TEX36: variants seen among roughly 807,000 people sequenced by gnomAD.
TEX36 encodes testis expressed 36.
A neutral mutation model predicts 13.6 loss-of-function variants in TEX36; 12 were observed. That is an observed-to-expected ratio of 0.88 (90% CI 0.56 to 1.43). The LOEUF is 1.43. Among genes scored for constraint, TEX36 ranks in the 40% most tolerant of loss-of-function variants. The pLI is 0.00. For missense variants in TEX36, 224 were observed against 228.3 expected (o/e 0.98, Z 0.12); for synonymous variants, 93 against 83.0 (o/e 1.12, Z -0.65).
intron 3 of TEX36, among the ~76,000 whole-genome samples, chr10:125,589,358 T>C (rs1845995825): frequency 6.6e-6 from 1 of 152,230 alleles, no homozygotes; most frequent in Admixed American, 6.5e-5. Flanking sequence ...TGTGTATTTT[T>C]ACACCAACTT....
At chr10:125,677,162 C>T (rs1847325665) in intron 1 of TEX36, among the ~76,000 whole-genome samples, 1 of 152,172 alleles carries the variant, frequency 6.6e-6, no homozygotes, top group Non-Finnish European at 1.5e-5. Flanking sequence ...GATAGTCTGA[C>T]TATAACATTT....
chr10:125,661,721 G>T, intron 2 of TEX36, 125 bp downstream of exon 2: 1 of 1,296,400 alleles, frequency 7.7e-7, no homozygotes. Context: ...CCAACCCTTA[G>T]GGGTCCAAGG....
In TEX36 at chr10:125,678,084, C is replaced by T. The variant is rs1847338645; in HGVS notation, c.51+4855G>A. 2.6e-5 allele frequency among the ~76,000 whole-genome samples: 4 copies of T among 152,024 alleles called. No homozygotes were observed. The South Asian group carries it at 8.3e-4, about 32-fold the overall frequency. ...ATTTTGTCTCTTGGAAGTGTATTTC[C>T]TTGCTTTTTCATGTTTATTCTGTCC... On this transcript the variant is annotated intron_variant, in intron 1 of 3. Coordinates refer to ENST00000368821, the MANE Select transcript of TEX36 (RefSeq NM_001128202.3).
intron 3 of TEX36, among the ~76,000 whole-genome samples, chr10:125,614,796 T>C (rs201079094): frequency 0.046 from 6,990 of 152,262 alleles, 178 homozygotes; most frequent in East Asian, 0.085. Flanking sequence ...AACTTCAAAG[T>C]AGTTTTTTCC....
chr10:125,630,212 G>T (rs1846535138), intron 3 of TEX36, among the ~76,000 whole-genome samples: 1 of 152,150 alleles, frequency 6.6e-6, no homozygotes, highest in African/African-American at 2.4e-5. Flanking sequence ...TCAGCTACTA[G>T]GGGTGCATAA....
downstream of TEX36, among the ~76,000 whole-genome samples, chr10:125,619,762 G>A (rs1846405219): frequency 6.6e-6 from 1 of 151,756 alleles, no homozygotes; most frequent in Non-Finnish European, 1.5e-5. Flanking sequence ...TCACCATATT[G>A]GCCAGGCTGG....
chr10:125,680,960 T>C (rs1379728691), intron 1 of TEX36, among the ~76,000 whole-genome samples: 1 of 152,220 alleles, frequency 6.6e-6, no homozygotes, highest in Non-Finnish European at 1.5e-5. Context: ...AGCAGCCATG[T>C]GGTTGGTTAA....
rs199742415 is a variant in TEX36, at chr10:125,661,913, G to A, written c.116C>T (p.Pro39Leu). Residue 39 changes from proline to leucine, a missense_variant, in exon 2 of 4, where the codon CCC becomes CTC. Coordinates refer to ENST00000368821, the MANE Select transcript of TEX36 (RefSeq NM_001128202.3). ...ESITSATSKE[P>L]QSPHLPRQAE... The stretch of plus-strand genomic sequence containing the variant: ...TTGCCGAGGCAAGTGTGGACTCTGG[G>A]GCTCTTTTGACGTAGCACTGGTGAT... 2.1e-5 allele frequency: 33 copies of A among 1,552,180 alleles called. No individual in the cohort carries two copies. The East Asian group carries it at 5.9e-4, about 28-fold the overall frequency.
At chr10:125,614,619 C>T (rs1042733266) in intron 3 of TEX36, among the ~76,000 whole-genome samples, 89 of 152,198 alleles carry the variant, frequency 5.8e-4, no homozygotes, top group African/African-American at 2.0e-3. Flanking sequence ...TCTGAGGGCT[C>T]TGTTCTGTTC....
At chr10:125,613,467 TC>T (rs1846317137) in intron 3 of TEX36, among the ~76,000 whole-genome samples, 1 of 115,820 alleles carries the variant, frequency 8.6e-6, no homozygotes, top group Admixed American at 1.1e-4. Flanking sequence ...AGTGTGATGT[TC>T]CCCTTCCTGT....
chr10:125,580,505 A>G (rs1845869978), intron 3 of TEX36, among the ~76,000 whole-genome samples: 1 of 152,144 alleles, frequency 6.6e-6, no homozygotes, highest in African/African-American at 2.4e-5. Context: ...GGAGGGGTAA[A>G]GGGGAGGAAA....
At chr10:125,590,806 C>T (rs1846012554) in intron 3 of TEX36, among the ~76,000 whole-genome samples, 1 of 152,110 alleles carries the variant, frequency 6.6e-6, no homozygotes, top group Admixed American at 6.5e-5. Context: ...TTTACACAAA[C>T]ATGATGACAC....
intron 1 of TEX36, among the ~76,000 whole-genome samples, chr10:125,668,406 T>A (rs1847162686): frequency 6.6e-6 from 1 of 152,132 alleles, no homozygotes; most frequent in Non-Finnish European, 1.5e-5. Context: ...GGTTGTATGT[T>A]TTCAGGAATT....
rs962595367 is a variant in TEX36 at position 125,655,795 on chromosome 10, G to C, written c.*105C>G. ...TTTTGACCTTATAAAAATCATAAAA[G>C]TACTTTAAAAATTAAATAGTGGTGC... is the stretch of plus-strand genomic sequence containing the variant. On this transcript the variant is annotated 3_prime_UTR_variant, in exon 4 of 4. Transcript: ENST00000368821. 26 of 1,353,334 alleles carry C rather than the reference G, an allele frequency of 1.9e-5. No homozygotes were observed. Among genetic ancestry groups the C allele is most frequent in the Non-Finnish European group, 2.4e-5 (25 of 1,050,216 alleles). 83.8% of individuals were successfully genotyped at this position (1,353,334 alleles called of 1,614,324 possible).
chr10:125,617,302 G>A (rs1846373020), downstream of TEX36, among the ~76,000 whole-genome samples: 1 of 151,920 alleles, frequency 6.6e-6, no homozygotes, highest in Admixed American at 6.6e-5. Flanking sequence ...AGTTAATATT[G>A]TTATGTATGA....
At chr10:125,640,362 G>T in intron 3 of TEX36, 1 of 226,868 alleles carries the variant, frequency 4.4e-6, no homozygotes, top group Non-Finnish European at 7.3e-6. Flanking sequence ...ACTCTCTGCG[G>T]AAATCACACG....
chr10:125,614,603 G>A lies in TEX36; in HGVS notation c.265-37729C>T, dbSNP rs1263860530. Among the ~76,000 whole-genome samples the A allele has an allele frequency of 9.6e-3, 1,464 of 151,852 alleles. 17 individuals carry two copies. The highest frequency in any genetic ancestry group is 0.014 in the Non-Finnish European group (957 of 67,886). Reference sequence around the variant, plus strand: ...GATCAGATAGTTGTAGATATGCAGCGTTATTTCTGAGGGCTCTGTTCTGTT... The same window carrying A: ...GATCAGATAGTTGTAGATATGCAGCATTATTTCTGAGGGCTCTGTTCTGTT... On this transcript the variant is annotated intron_variant, in intron 3 of 3. Coordinates refer to the TEX36 transcript ENST00000532135.
intron 2 of TEX36, among the ~76,000 whole-genome samples, chr10:125,661,407 G>T (rs1847039489): frequency 6.6e-6 from 1 of 152,220 alleles, no homozygotes; most frequent in Non-Finnish European, 1.5e-5. Context: ...AAACTGGGAA[G>T]GACTTTTGAG....
chr10:125,586,635 C>CAAAAAAAAAAAAAAAAAAAAAAAA (rs35078105), intron 3 of TEX36, among the ~76,000 whole-genome samples: 1 of 113,876 alleles, frequency 8.8e-6, no homozygotes, highest in Non-Finnish European at 1.7e-5. Context: ...ACTAAAAATC[C>CAAAAAAAAAAAAAAAAAAAAAAAA]AAAAAAAAAA....
Sources: allele counts gnomAD v4.1 joint callset (sites outside exome capture counted in the v4.1 genomes callset), GRCh38; gene constraint gnomAD v4.1.1; transcripts MANE v1.5; gene names NCBI Gene and HGNC (gene_info 2026-07-23, HGNC 2026-07-21).